Variants in PVT1 observed in about 807,000 individuals in gnomAD.
The protein encoded by PVT1 is CXCR4/PVT1 fusion.
intron 4 of PVT1, among the ~76,000 whole-genome samples, chr8:128,059,335 G>T: frequency 6.6e-6 from 1 of 152,120 alleles, no homozygotes; most frequent in East Asian, 1.9e-4. Flanking sequence ...TTGACTATGT[G>T]TTGGACACTG....
intron 3 of PVT1, among the ~76,000 whole-genome samples, chr8:127,982,018 T>C (rs1014937285): frequency 1.3e-4 from 20 of 152,340 alleles, no homozygotes; most frequent in African/African-American, 4.6e-4. Flanking sequence ...TCTCTGGCGC[T>C]AGACTTCCTT....
At chr8:128,040,390 C>G (rs1813516592) in intron 4 of PVT1, among the ~76,000 whole-genome samples, 1 of 152,208 alleles carries the variant, frequency 6.6e-6, no homozygotes, top group Non-Finnish European at 1.5e-5. Context: ...GCTTGCTGGC[C>G]TGCCCTGCAG....
At chr8:127,920,671 G>A (rs753147910) in intron 3 of PVT1, among the ~76,000 whole-genome samples, 32 of 152,200 alleles carry the variant, frequency 2.1e-4, no homozygotes, top group Middle Eastern at 3.4e-3. Context: ...AATTAAGTAC[G>A]ACATAAACTA....
intron 4 of PVT1, among the ~76,000 whole-genome samples, chr8:128,033,553 A>T (rs1813424562): frequency 6.6e-6 from 1 of 152,118 alleles, no homozygotes; most frequent in Admixed American, 6.5e-5. Flanking sequence ...ATAGCAGAGG[A>T]TTTTTCGTAA....
intron 2 of PVT1, among the ~76,000 whole-genome samples, chr8:127,838,152 C>T (rs1814930071): frequency 1.3e-5 from 2 of 152,168 alleles, no homozygotes; most frequent in South Asian, 2.1e-4. Context: ...CCACCTCGGC[C>T]TCCCAAAGTG....
At chr8:128,073,539 A>C (rs1315450420) in intron 5 of PVT1, among the ~76,000 whole-genome samples, 2 of 151,778 alleles carry the variant, frequency 1.3e-5, no homozygotes, top group Non-Finnish European at 2.9e-5. Flanking sequence ...CTGAGCATCT[A>C]CTCTAGCAAT....
intron 2 of PVT1, among the ~76,000 whole-genome samples, chr8:127,816,041 T>A (rs961275660): frequency 1.3e-5 from 2 of 152,168 alleles, no homozygotes; most frequent in Admixed American, 6.5e-5. Flanking sequence ...GGAGAATCTC[T>A]TGAACCCGGG....
chr8:127,901,833 C>T (rs892327247), intron 3 of PVT1, among the ~76,000 whole-genome samples: 6 of 151,684 alleles, frequency 4.0e-5, no homozygotes, highest in Admixed American at 2.0e-4. Flanking sequence ...AAGTCCTGAG[C>T]TCAAGCGATC....
At chr8:127,875,350 T>G (rs1197866084) in intron 2 of PVT1, among the ~76,000 whole-genome samples, 1 of 132,592 alleles carries the variant, frequency 7.5e-6, no homozygotes, top group Non-Finnish European at 1.6e-5. Flanking sequence ...TGACTCTGTC[T>G]GTCTCTGTCT....
chr8:127,905,326 A>G (rs1220423173), intron 3 of PVT1, among the ~76,000 whole-genome samples: 2 of 152,144 alleles, frequency 1.3e-5, no homozygotes, highest in African/African-American at 4.8e-5. Flanking sequence ...GAGCTTCACT[A>G]TCTCTTCTGG....
At chr8:127,847,225 T>TCTTGGCCACCGCG (rs1238779133) in intron 2 of PVT1, among the ~76,000 whole-genome samples, 1 of 57,130 alleles carries the variant, frequency 1.8e-5, no homozygotes, top group South Asian at 5.3e-4. Context: ...ATAGTCGAAC[T>TCTTGGCCACCGCG]CTTGGCCCCA....
chr8:128,083,522 A>G (rs918921903), intron 5 of PVT1, among the ~76,000 whole-genome samples: 3 of 152,234 alleles, frequency 2.0e-5, no homozygotes, highest in African/African-American at 7.2e-5. Context: ...TTGGCTTGCA[A>G]AGGAGAGGCT....
chr8:127,850,176 TGA>T (rs1815092375), intron 2 of PVT1, among the ~76,000 whole-genome samples: 1 of 152,152 alleles, frequency 6.6e-6, no homozygotes, highest in Non-Finnish European at 1.5e-5. Context: ...AAAGGCCATT[TGA>T]GAGAGTGCTG....
chr8:127,897,439 G>A (rs1262054216), intron 3 of PVT1, among the ~76,000 whole-genome samples: 1 of 151,594 alleles, frequency 6.6e-6, no homozygotes, highest in Non-Finnish European at 1.5e-5. Flanking sequence ...TTGGAAGATG[G>A]CCCAGTTCCA....
At chr8:127,877,282 G>A (rs1001799381) in intron 2 of PVT1, among the ~76,000 whole-genome samples, 2 of 152,214 alleles carry the variant, frequency 1.3e-5, no homozygotes, top group East Asian at 3.8e-4. Context: ...CACAAACTGG[G>A]CAAGGGGCCC....
chr8:127,953,663 C>T (rs1220303764), intron 3 of PVT1, among the ~76,000 whole-genome samples: 2 of 152,132 alleles, frequency 1.3e-5, no homozygotes, highest in East Asian at 3.8e-4. Context: ...GAGACTGAAA[C>T]TCTAACTTGC....
Position 127,930,170 on chromosome 8 carries a change from T to C in PVT1, n.782+39172T>C, listed in dbSNP as rs553882705. 2.0e-5 allele frequency among the ~76,000 whole-genome samples: 3 copies of C among 152,196 alleles called. No homozygotes were observed. The South Asian group carries it at 6.2e-4, about 32-fold the overall frequency. ...GGCGGTGCGGAATTATTATTATTTT[T>C]TTTTGGGACAGAGTCTCACTCTGTT... On this transcript the variant is annotated intron_variant and non_coding_transcript_variant, in intron 3 of 10. Coordinates refer to ENST00000651587, the Ensembl canonical transcript of PVT1.
chr8:128,086,705 C>T (rs1469511918), intron 5 of PVT1, among the ~76,000 whole-genome samples: 2 of 152,228 alleles, frequency 1.3e-5, no homozygotes, highest in African/African-American at 2.4e-5. Context: ...GTTCTTACCT[C>T]CTTCTCTTTC....
At chr8:127,825,730 T>A (rs1814780366) in intron 2 of PVT1, among the ~76,000 whole-genome samples, 1 of 152,196 alleles carries the variant, frequency 6.6e-6, no homozygotes, top group Non-Finnish European at 1.5e-5. Context: ...CCTAGCCGCG[T>A]CACTCAACCT....
Sources: gnomAD v4.1 joint callset for allele counts (sites outside exome capture counted in the v4.1 genomes callset) on GRCh38, gnomAD v4.1.1 for gene constraint, MANE v1.5 for transcripts, NCBI Gene and HGNC (gene_info 2026-07-23, HGNC 2026-07-21) for gene names.